Variants in TNC observed in about 807,000 individuals in gnomAD.
The protein encoded by TNC is tenascin.
A neutral mutation model predicts 202.4 loss-of-function variants in TNC; 109 were observed. The ratio of observed to expected loss-of-function variants is 0.54; its 90% CI spans 0.46 to 0.63. The LOEUF (loss-of-function observed/expected upper bound fraction) is 0.63. Ranked by LOEUF, TNC falls within the 30% of genes least tolerant of loss-of-function variation. The pLI, the probability that TNC is intolerant of heterozygous loss-of-function variation, is 0.00. For missense variants in TNC, 2,756 were observed against 2,833.3 expected, an observed-to-expected ratio of 0.97 and a Z score of 0.62; for synonymous variants, 1,007 against 1,089.7, an observed-to-expected ratio of 0.92 and a Z score of 1.50.
chr9:115,108,969 C>T (rs1025702842), intron 1 of TNC, among the ~76,000 whole-genome samples: 5 of 152,132 alleles, frequency 3.3e-5, no homozygotes, highest in African/African-American at 1.2e-4. Flanking sequence ...AGATATGCCA[C>T]CATAATGTAA....
Position 115,063,920 on chromosome 9 carries a change from G to A in TNC, c.3636C>T (p.Thr1212=), listed in dbSNP as rs373597782. 1.7e-5 allele frequency: 28 copies of A among 1,614,012 alleles called. No homozygotes were observed. The highest frequency in any genetic ancestry group is 1.2e-4 in the African/African-American group (9 of 74,888). The part of the protein sequence containing the change: ...ADTVEAAQNL[T]VPGGLRSTDL... ...CTGTGGACCTCAGTCCTCCTGGGAC[G>A]GTGAGGTTCTGGGCTGCCTCTACTG... Residue 1212 remains threonine (T), a synonymous_variant, in exon 12 of 28, where the codon ACC becomes ACT. Transcript: ENST00000350763.
intron 11 of TNC, 144 bp downstream of exon 11, chr9:115,064,503 C>T (rs1025279612): frequency 3.9e-5 from 42 of 1,080,664 alleles, no homozygotes; most frequent in East Asian, 3.3e-4. Flanking sequence ...GGTTCTGTAG[C>T]GTGATGGCCT....
chr9:115,112,398 T>G (rs1381756476), intron 1 of TNC, among the ~76,000 whole-genome samples: 1 of 152,170 alleles, frequency 6.6e-6, no homozygotes, highest in Non-Finnish European at 1.5e-5. Context: ...GGAGGCTCAG[T>G]GTACAAAATA....
chr9:115,076,643 C>G (rs954073358), intron 7 of TNC, 68 bp from the exon 8 acceptor site: 1 of 1,537,488 alleles, frequency 6.5e-7, no homozygotes, highest in Non-Finnish European at 8.8e-7. Context: ...TTTGACAGCT[C>G]AAGCTGACAT....
At chr9:115,051,371 G>T (rs1831639590) in intron 15 of TNC, among the ~76,000 whole-genome samples, 1 of 152,040 alleles carries the variant, frequency 6.6e-6, no homozygotes, top group Non-Finnish European at 1.5e-5. Flanking sequence ...CATCTGCTAG[G>T]TGCCTAAGCT....
chr9:115,065,351 G>T (rs560090575), intron 10 of TNC, among the ~76,000 whole-genome samples: 4 of 152,120 alleles, frequency 2.6e-5, no homozygotes, highest in Non-Finnish European at 4.4e-5. Flanking sequence ...AGCTGAGATG[G>T]CGCCATTGCA....
At position 115,057,371 on chromosome 9, in the gene TNC, A is replaced by T; in HGVS notation, c.4361T>A (p.Phe1454Tyr). ...LNVSDITPES[F>Y]NLSWMATDGI... ...ATCGGTAGCCATCCAGGAGAGATTG[A>T]AGCTCTCGGGAGTTATGTCAGAAAC... Residue 1454 changes from phenylalanine (F) to tyrosine (Y), a missense_variant, in exon 15 of 28, where the codon TTC (phenylalanine) becomes TAC (tyrosine). This residue lies in a region of TNC where 2,559 missense variants were observed against 2,546.0 expected (regional missense o/e 1.01). Coordinates refer to ENST00000350763, the MANE Select transcript of TNC (RefSeq NM_002160.4). The T allele has an allele frequency of 6.2e-7, 1 of 1,613,972 alleles. No homozygotes were observed. Among genetic ancestry groups the T allele is most frequent in the South Asian group, 1.1e-5 (1 of 91,048 alleles).
chr9:115,035,451 C>T, intron 21 of TNC, 117 bp from the exon 22 acceptor site: 4 of 1,116,682 alleles, frequency 3.6e-6, no homozygotes, highest in Non-Finnish European at 5.0e-6. Context: ...ACTACGTGAC[C>T]TTTGGCAAGA....
At chr9:115,075,912 A>T in intron 9 of TNC, 120 bp downstream of exon 9, 1 of 802,666 alleles carries the variant, frequency 1.2e-6, no homozygotes, top group Non-Finnish European at 2.1e-6. Context: ...AGATGGTACT[A>T]CAGGGCCCTT....
chr9:115,060,071 C>T, intron 13 of TNC, 69 bp from the exon 14 acceptor site: 1 of 1,448,130 alleles, frequency 6.9e-7, no homozygotes, highest in Non-Finnish European at 9.3e-7. Context: ...CATCCCACAG[C>T]CCAACTCTAG....
Position 115,020,557 on chromosome 9 carries a change from T to TAAA in TNC, c.*597_*599dup, listed in dbSNP as rs34490502. On this transcript the variant is annotated 3_prime_UTR_variant, in exon 28 of 28. Coordinates refer to ENST00000350763, the MANE Select transcript of TNC (RefSeq NM_002160.4). ...ACTCAAAAGTACTTGTGCTTTTATT[T>TAAA]AAAAAAAAAATACAATCAGGTACTG... 9 of 234,120 alleles carry TAAA rather than the reference T, an allele frequency of 3.8e-5. No homozygotes were observed. Among genetic ancestry groups the TAAA allele is most frequent in the South Asian group, 1.5e-4 (3 of 20,574 alleles). 14.5% of individuals were successfully genotyped at this position (234,120 alleles called of 1,614,324 possible).
Position 115,082,709 on chromosome 9 carries a change from T to G in TNC, c.2230A>C (p.Ile744Leu). The change falls in exon 5 of 28, where the codon ATC becomes CTC. Residue 744 changes from isoleucine to leucine, a missense_variant. This residue lies in a region of TNC where 2,559 missense variants were observed against 2,546.0 expected (regional missense o/e 1.01). Transcript: ENST00000350763. Reference sequence around the variant, plus strand: ...CTCCTTACCATATTCCGGAAGATGATCTCCCAGGTTTCAAAAGCAATGTCT... The same window carrying G: ...CTCCTTACCATATTCCGGAAGATGAGCTCCCAGGTTTCAAAAGCAATGTCT... ...PLDIAFETWE[I>L]IFRNMNKEDE... 6.2e-7 allele frequency: 1 copy of G among 1,611,704 alleles called. No individual in the cohort carries two copies. The highest frequency in any genetic ancestry group is 8.5e-7 in the Non-Finnish European group (1 of 1,177,774).
intron 19 of TNC, among the ~76,000 whole-genome samples, chr9:115,039,669 G>A (rs1330594048): frequency 2.6e-5 from 4 of 152,214 alleles, no homozygotes; most frequent in African/African-American, 9.7e-5. Flanking sequence ...AGCCTTGAGG[G>A]ATGAAATGAC....
intron 1 of TNC, among the ~76,000 whole-genome samples, chr9:115,095,548 A>G (rs370174032): frequency 3.6e-3 from 6 of 1,650 alleles, no homozygotes; most frequent in African/African-American, 8.7e-3. Flanking sequence ...ATATATATGT[A>G]TATATATGTA....
chr9:115,081,682 A>T, intron 6 of TNC, 90 bp downstream of exon 6: 1 of 1,369,398 alleles, frequency 7.3e-7, no homozygotes, highest in Non-Finnish European at 1.0e-6. Flanking sequence ...AATGATGTAG[A>T]TGCTATATGA....
At position 115,026,686 on chromosome 9, in the gene TNC, T is replaced by A. The variant is rs1007186322; in HGVS notation, c.6179A>T (p.Asn2060Ile). 2 of 1,613,612 alleles carry A rather than the reference T, an allele frequency of 1.2e-6. No individual in the cohort carries two copies. Among genetic ancestry groups the A allele is most frequent in the African/African-American group, 2.7e-5 (2 of 74,864 alleles). ...RREEFWLGLD[N>I]LNKITAQGQY... ...CCCCTGGGCTGTGATTTTGTTCAGGTTGTCCAGCCCTGTGGATGACAGGCA... is the reference window on the plus strand; with the variant it reads ...CCCCTGGGCTGTGATTTTGTTCAGGATGTCCAGCCCTGTGGATGACAGGCA... The change falls in exon 26 of 28, where the codon AAC (asparagine) becomes ATC (isoleucine). Residue 2060 changes from asparagine to isoleucine, a missense_variant. By Grantham distance (149) the Asn-to-Ile change is moderately radical. Around this residue, in one of 2 missense-constraint regions of TNC, gnomAD observed 197 missense variants for 287.3 expected, o/e 0.69. Transcript: ENST00000350763.
In TNC at chr9:115,042,121, A is replaced by C. The variant is rs77775842; in HGVS notation, c.5248+98T>G. The C allele has an allele frequency of 3.7e-3, 5,452 of 1,484,164 alleles. 180 individuals are homozygous for C. In the African/African-American group the frequency reaches 0.067, roughly 18 times the overall value. 91.9% of individuals were successfully genotyped at this position (1,484,164 alleles called of 1,614,324 possible). On this transcript the variant is annotated intron_variant, in intron 18 of 27. Transcript: ENST00000350763. Reference sequence around the variant, plus strand: ...ACAAATAAAGAATTCATTTTCTTTGATCATGATGTTAGAGGATGAAAATTA... The same window carrying C: ...ACAAATAAAGAATTCATTTTCTTTGCTCATGATGTTAGAGGATGAAAATTA...
intron 1 of TNC, among the ~76,000 whole-genome samples, chr9:115,102,273 A>G (rs933530339): frequency 5.3e-5 from 8 of 152,094 alleles, no homozygotes; most frequent in African/African-American, 1.2e-4. Context: ...ACCAGCCCCA[A>G]CCTCTGACTA....
chr9:115,030,552 G>C, intron 23 of TNC, 147 bp from the exon 24 acceptor site: 1 of 945,378 alleles, frequency 1.1e-6, no homozygotes, highest in Non-Finnish European at 1.5e-6. Context: ...CATAGAAATG[G>C]GCAATCTTGG....
Sources: gnomAD v4.1 joint callset for allele counts (sites outside exome capture counted in the v4.1 genomes callset) on GRCh38, gnomAD v4.1.1 for gene constraint, gnomAD v4.1.1 regional missense constraint, MANE v1.5 for transcripts, NCBI Gene and HGNC (gene_info 2026-07-23, HGNC 2026-07-21) for gene names.